The following STAB1 variants were observed in gnomAD, a reference collection of about 807,000 sequenced individuals.
STAB1 encodes the protein stabilin 1, also known as stabilin-1.
A neutral mutation model predicts 332.4 loss-of-function variants in STAB1; 250 were observed. The ratio of observed to expected loss-of-function variants is 0.75; its 90% CI spans 0.68 to 0.84. STAB1 has a LOEUF of 0.84. STAB1 is among the 40% of genes least tolerant of loss of function. The pLI, the probability that STAB1 is intolerant of heterozygous loss-of-function variation, is 0.00. For missense variants in STAB1, 3,249 were observed against 3,489.7 expected (o/e 0.93, Z 1.74); for synonymous variants, 1,475 against 1,390.4 (o/e 1.06, Z -1.35).
rs747988562 is a variant in STAB1, at chr3:52,512,909, G to A, written c.3109G>A (p.Glu1037Lys). The stretch of plus-strand genomic sequence containing the variant: ...GGCTGCAGTCCGTCAGCTGAGCCCC[G>A]AGGACCGAGCTTTCTGGCTGCAGCC... The part of the protein sequence containing the change: ...SEAAVRQLSP[E>K]DRAFWLQPRT... The change falls in exon 29 of 69, where the codon GAG (glutamate) becomes AAG (lysine). Residue 1037 changes from glutamate to lysine, a missense_variant. Glu to Lys is a moderately conservative substitution (Grantham distance 56, BLOSUM62 1). Transcript: ENST00000321725. The A allele has an allele frequency of 1.8e-5, 29 of 1,611,942 alleles. No homozygotes were observed. The highest frequency in any genetic ancestry group is 1.6e-4 in the East Asian group (7 of 44,864).
At chr3:52,505,225 C>G (rs558657761) in intron 13 of STAB1, 82 bp downstream of exon 13, 8 of 1,603,348 alleles carry the variant, frequency 5.0e-6, no homozygotes, top group African/African-American at 2.7e-5. Flanking sequence ...TGGGCAGGAG[C>G]CATTCTACTC....
chr3:52,510,205 C>A lies in STAB1; in HGVS notation c.2598C>A (p.Ser866=). The part of the protein sequence containing the change: ...GFSCTPSNPC[S]HPDRGGCSEN... ...CCTGCACACCTAGCAACCCCTGCTC[C>A]CACCCGGACCGTGGAGGCTGCTCAG... Residue 866 remains serine, a synonymous_variant, in exon 24 of 69, where the codon TCC becomes TCA. Transcript: ENST00000321725. The A allele has an allele frequency of 1.2e-6, 2 of 1,614,024 alleles. No individual in the cohort carries two copies. Among genetic ancestry groups the A allele is most frequent in the Non-Finnish European group, 1.7e-6 (2 of 1,180,024 alleles).
At chr3:52,499,882 G>C in intron 1 of STAB1, among the ~76,000 whole-genome samples, 1 of 123,942 alleles carries the variant, frequency 8.1e-6, no homozygotes, top group African/African-American at 3.3e-5. Context: ...CTGGGCGACA[G>C]AGCGAGACTC....
intron 6 of STAB1, 68 bp from the exon 7 acceptor site, chr3:52,502,931 C>A: frequency 7.2e-7 from 1 of 1,391,582 alleles, no homozygotes; most frequent in Non-Finnish European, 9.7e-7. Context: ...ACAGGCAAGG[C>A]CCCTTTGCCC....
At chr3:52,515,683 T>C (rs1001517840) in intron 37 of STAB1, among the ~76,000 whole-genome samples, 177 bp downstream of exon 37, 5 of 152,020 alleles carry the variant, frequency 3.3e-5, no homozygotes, top group African/African-American at 1.2e-4. Context: ...GGGCTAGTGT[T>C]TGTCCCTGTG....
In STAB1 at chr3:52,516,735, G is replaced by T. The variant is rs1466238711; in HGVS notation, c.4330G>T (p.Ala1444Ser). Residue 1444 changes from alanine (A) to serine (S), a missense_variant, in exon 41 of 69, where the codon GCG becomes TCG. Ala to Ser is a moderately conservative substitution (Grantham distance 99). Coordinates refer to ENST00000321725, the MANE Select transcript of STAB1 (RefSeq NM_015136.3). Reference sequence around the variant, plus strand: ...CGGAGCCTCCACCTGCGCCTGTGCTGCGGGATACTCCGGCAATGGCATCTT... The same window carrying T: ...CGGAGCCTCCACCTGCGCCTGTGCTTCGGGATACTCCGGCAATGGCATCTT... The part of the protein sequence containing the change: ...SAGASTCACA[A>S]GYSGNGIFCS... The T allele has an allele frequency of 1.2e-6, 2 of 1,611,760 alleles. No individual in the cohort carries two copies. Among genetic ancestry groups the T allele is most frequent in the Admixed American group, 1.7e-5 (1 of 59,946 alleles).
At position 52,522,341 on chromosome 3, in the gene STAB1, CTG is replaced by C; in HGVS notation, c.6480_6481del (p.Cys2160Ter). On this transcript the variant is annotated frameshift_variant, in exon 60 of 69. Transcript: ENST00000321725. LOFTEE classifies it high-confidence loss of function. Reference protein sequence around the residue: ...CLSTGLNTRRCECHAGYVGDG... With the variant: ...CLSTGLNTRRXECHAGYVGDG... Reference sequence around the variant, plus strand: ...CTCTCCAACCCCAGAACACACGGCGCTGTGAGTGCCACGCAGGCTACGTAGGC... The same window carrying C: ...CTCTCCAACCCCAGAACACACGGCGCTGAGTGCCACGCAGGCTACGTAGGC... 1 of 1,612,998 alleles carries C rather than the reference CTG, an allele frequency of 6.2e-7. No homozygotes were observed. The highest frequency in any genetic ancestry group is 8.5e-7 in the Non-Finnish European group (1 of 1,180,014).
Position 52,524,432 on chromosome 3 carries a change from G to A in STAB1, c.*76G>A, listed in dbSNP as rs761640093. 3 of 1,611,988 alleles carry A rather than the reference G, an allele frequency of 1.9e-6. No individual in the cohort carries two copies. The highest frequency in any genetic ancestry group is 2.5e-6 in the Non-Finnish European group (3 of 1,179,268). On this transcript the variant is annotated 3_prime_UTR_variant, in exon 69 of 69. Transcript: ENST00000321725. ...TTGCTTGTCTGGGTGGATGGGGCAG[G>A]AGGGGCTGAGGGCCTGTCCCAGACA...
At chr3:52,509,348 C>T (rs1348798841) in intron 22 of STAB1, 27 bp downstream of exon 22, 3 of 1,601,974 alleles carry the variant, frequency 1.9e-6, no homozygotes, top group East Asian at 2.2e-5. Context: ...CAGGCCACCT[C>T]CTAGGGAGAA....
In STAB1 at chr3:52,517,998, G is replaced by T. The variant is rs139654293; in HGVS notation, c.4756G>T (p.Gly1586Cys). Residue 1586 changes from glycine (G) to cysteine (C), a missense_variant, in exon 45 of 69, where the codon GGC becomes TGC. Coordinates refer to ENST00000321725, the MANE Select transcript of STAB1 (RefSeq NM_015136.3). Reference protein sequence around the residue: ...GDGLTCRARVGLELLRDKHAS... With the variant: ...GDGLTCRARVCLELLRDKHAS... ...CGGCCTCACCTGCCGTGCCCGAGTC[G>T]GCCTGGTAATGATGCCCAAGTCAGA... 1 of 1,602,782 alleles carries T rather than the reference G, an allele frequency of 6.2e-7. No individual in the cohort carries two copies.
chr3:52,524,333 C>CAGAGG lies in STAB1; in HGVS notation c.7692_7696dup (p.Ile2566ArgfsTer36). ...GCTGGAGGAGGACTTCCCTGACACC[C>CAGAGG]AGAGGATCCTCACAGTCAAGTGACG... On this transcript the variant is annotated frameshift_variant, in exon 69 of 69. Coordinates refer to ENST00000321725, the MANE Select transcript of STAB1 (RefSeq NM_015136.3). LOFTEE classifies it high-confidence loss of function. 6.2e-7 allele frequency: 1 copy of CAGAGG among 1,613,872 alleles called. No homozygotes were observed. The highest frequency in any genetic ancestry group is 1.1e-5 in the South Asian group (1 of 91,086).
chr3:52,499,740 A>T (rs1442567504), intron 1 of STAB1, among the ~76,000 whole-genome samples: 2 of 151,480 alleles, frequency 1.3e-5, no homozygotes, highest in Non-Finnish European at 2.9e-5. Context: ...TCTACTAAAA[A>T]TACAAAAAAT....
At chr3:52,501,120 G>T in intron 1 of STAB1, 46 bp from the exon 2 acceptor site, 1 of 1,597,648 alleles carries the variant, frequency 6.3e-7, no homozygotes, top group Non-Finnish European at 8.6e-7. Flanking sequence ...GGTCAGGACT[G>T]GGCGTGGGGT....
In STAB1 at chr3:52,503,458, GTC is replaced by G. The variant is rs1264899964; in HGVS notation, c.811_812del (p.Leu271AlafsTer7). 1 of 1,613,730 alleles carries G rather than the reference GTC, an allele frequency of 6.2e-7. No homozygotes were observed. Among genetic ancestry groups the G allele is most frequent in the Non-Finnish European group, 8.5e-7 (1 of 1,180,052 alleles). The stretch of plus-strand genomic sequence containing the variant: ...AACTACCATGGCGATGGGATGGTGT[GTC>G]TGCCCAAGGACCCATGCACTGACAA... On this transcript the variant is annotated frameshift_variant, in exon 8 of 69. Coordinates refer to ENST00000321725, the MANE Select transcript of STAB1 (RefSeq NM_015136.3). LOFTEE classifies it high-confidence loss of function.
Position 52,523,109 on chromosome 3 carries a change from C to T in STAB1, c.6995C>T (p.Thr2332Ile). 6.3e-7 allele frequency: 1 copy of T among 1,579,286 alleles called. No homozygotes were observed. Among genetic ancestry groups the T allele is most frequent in the Non-Finnish European group, 8.6e-7 (1 of 1,161,270 alleles). ...AAGCTGCTGGATGTGCTGGCTGCCA[C>T]TGCCAACTTCTCCACCTTCTATGGG... Reference protein sequence around the residue: ...NGKLLDVLAATANFSTFYGML... With the variant: ...NGKLLDVLAAIANFSTFYGML... Residue 2332 changes from threonine (T) to isoleucine (I), a missense_variant, in exon 63 of 69, where the codon ACT (threonine) becomes ATT (isoleucine). Thr to Ile is a moderately conservative substitution (Grantham distance 89, BLOSUM62 -1). Coordinates refer to ENST00000321725, the MANE Select transcript of STAB1 (RefSeq NM_015136.3).
At position 52,510,040 on chromosome 3, in the gene STAB1, C is replaced by A; in HGVS notation, c.2518C>A (p.Gln840Lys). 1 of 1,609,280 alleles carries A rather than the reference C, an allele frequency of 6.2e-7. No individual in the cohort carries two copies. Among genetic ancestry groups the A allele is most frequent in the Non-Finnish European group, 8.5e-7 (1 of 1,177,272 alleles). The part of the protein sequence containing the change: ...HCHLHARCVS[Q>K]EGVARCRCLD... ...CCACCTGCATGCCCGCTGTGTTAGC[C>A]AGGAGGGTGTTGCCAGGTGAGGACC... is the stretch of plus-strand genomic sequence containing the variant. The change falls in exon 23 of 69, where the codon CAG (glutamine) becomes AAG (lysine). Residue 840 changes from glutamine to lysine, a missense_variant. Gln to Lys is a moderately conservative substitution (Grantham distance 53). Coordinates refer to ENST00000321725, the MANE Select transcript of STAB1 (RefSeq NM_015136.3).
Position 52,504,548 on chromosome 3 carries a change from A to G in STAB1, c.1238A>G (p.Asn413Ser), listed in dbSNP as rs1559677890. The G allele has an allele frequency of 1.9e-6, 3 of 1,613,880 alleles. No homozygotes were observed. Among genetic ancestry groups the G allele is most frequent in the East Asian group, 2.2e-5 (1 of 44,872 alleles). Residue 413 changes from asparagine (N) to serine (S), a missense_variant and splice_region_variant, in exon 11 of 69, where the codon AAT becomes AGT. Physicochemically the swap from Asn to Ser is conservative, Grantham distance 46. Coordinates refer to ENST00000321725, the MANE Select transcript of STAB1 (RefSeq NM_015136.3). ...SVSSFSSRTM[N>S]ASLAQQLCRQ... Reference sequence around the variant, plus strand: ...TCCTCCTTCTCCTCCAGGACCATGAATGTAAGCCCCTCCCCATGGTGGAGC... The same window carrying G: ...TCCTCCTTCTCCTCCAGGACCATGAGTGTAAGCCCCTCCCCATGGTGGAGC...
At chr3:52,510,606 G>A in intron 25 of STAB1, 99 bp downstream of exon 25, 2 of 1,454,510 alleles carry the variant, frequency 1.4e-6, no homozygotes, top group East Asian at 2.4e-5. Flanking sequence ...CTCAGGGTCT[G>A]GAGCCTCAGG....
chr3:52,503,174 T>C, intron 7 of STAB1, 65 bp downstream of exon 7: 1 of 1,515,068 alleles, frequency 6.6e-7, no homozygotes, highest in Non-Finnish European at 9.0e-7. Context: ...AGAGCATCCT[T>C]TAACCCAGCA....
Sources: allele counts gnomAD v4.1 joint callset (sites outside exome capture counted in the v4.1 genomes callset), GRCh38; gene constraint gnomAD v4.1.1; transcripts MANE v1.5; gene names NCBI Gene and HGNC (gene_info 2026-07-23, HGNC 2026-07-21).